Variants in CA5A observed in about 807,000 individuals in gnomAD.
CA5A encodes carbonic anhydrase 5A, also known as carbonic anhydrase 5A, mitochondrial.
Under a neutral mutation model 37.1 loss-of-function variants are expected in CA5A, and 28 were observed. The ratio of observed to expected loss-of-function variants is 0.75; its 90% CI spans 0.56 to 1.03. CA5A has a LOEUF of 1.03. CA5A is among the 50% of genes least tolerant of loss of function. The pLI is 0.00. For missense variants in CA5A, 444 were observed against 399.9 expected (o/e 1.11, Z -0.94); for synonymous variants, 171 against 158.4 (o/e 1.08, Z -0.60).
At chr16:87,890,510 C>T (rs575585957) in intron 6 of CA5A, among the ~76,000 whole-genome samples, 3 of 152,242 alleles carry the variant, frequency 2.0e-5, no homozygotes, top group Non-Finnish European at 2.9e-5. Flanking sequence ...CGGGCGGGGG[C>T]GGGGCATAGG....
intron 5 of CA5A, among the ~76,000 whole-genome samples, chr16:87,899,438 G>C (rs1440210755): frequency 2.7e-5 from 4 of 150,200 alleles, no homozygotes; most frequent in Non-Finnish European, 5.9e-5. Context: ...GAGTAGCTGG[G>C]ATTACAGGCA....
chr16:87,898,766 G>C (rs954253104), intron 5 of CA5A, among the ~76,000 whole-genome samples: 1 of 133,854 alleles, frequency 7.5e-6, no homozygotes, highest in Non-Finnish European at 1.5e-5. Flanking sequence ...ACGGATTCTC[G>C]AGCTGTCACC....
chr16:87,893,669 G>A (rs957577937), intron 5 of CA5A: 6 of 576,154 alleles, frequency 1.0e-5, no homozygotes, highest in African/African-American at 9.5e-5. Flanking sequence ...CCGAGGCTCG[G>A]GCTGGGTCAG....
At chr16:87,914,764 C>A (rs1450332252) in intron 2 of CA5A, among the ~76,000 whole-genome samples, 2 of 152,140 alleles carry the variant, frequency 1.3e-5, no homozygotes, top group African/African-American at 4.8e-5. Context: ...CCTCAGCTGG[C>A]GGCTGGGCTT....
intron 2 of CA5A, among the ~76,000 whole-genome samples, chr16:87,920,911 A>C (rs1347078046): frequency 6.6e-6 from 1 of 152,130 alleles, no homozygotes; most frequent in East Asian, 1.9e-4. Flanking sequence ...TTCCTGCCTC[A>C]GCCTTCCAAG....
intron 2 of CA5A, chr16:87,923,968 A>C: frequency 6.1e-6 from 6 of 985,022 alleles, no homozygotes; most frequent in Non-Finnish European, 7.2e-6. Context: ...TTTTTAAATA[A>C]TATAACCACA....
At chr16:87,924,913 C>A (rs1033767233) in intron 2 of CA5A, among the ~76,000 whole-genome samples, 1 of 152,202 alleles carries the variant, frequency 6.6e-6, no homozygotes, top group East Asian at 1.9e-4. Flanking sequence ...CGATTCTCTC[C>A]CTGCAGCCTT....
intron 1 of CA5A, among the ~76,000 whole-genome samples, chr16:87,927,964 C>T (rs1015346841): frequency 2.6e-5 from 4 of 152,006 alleles, no homozygotes; most frequent in Non-Finnish European, 5.9e-5. Context: ...GTGCAATAAC[C>T]TCATGCTAAG....
chr16:87,892,740 C>A (rs1164654254), intron 5 of CA5A, among the ~76,000 whole-genome samples: 1 of 138,104 alleles, frequency 7.2e-6, no homozygotes, highest in African/African-American at 2.7e-5. Flanking sequence ...ATGGTGTGAT[C>A]TTGGCTCACC....
intron 2 of CA5A, chr16:87,924,233 A>T (rs2056270409): frequency 2.0e-6 from 2 of 985,226 alleles, no homozygotes; most frequent in Admixed American, 6.1e-5. Context: ...TGCTGCTGGC[A>T]CTCAGCAAGC....
chr16:87,930,466 G>A (rs974401905), intron 1 of CA5A, among the ~76,000 whole-genome samples: 2 of 152,042 alleles, frequency 1.3e-5, no homozygotes, highest in South Asian at 2.1e-4. Context: ...TCCCCCCTCC[G>A]GACCCTTCCC....
At chr16:87,889,124 G>T (rs1215896344) in intron 6 of CA5A, among the ~76,000 whole-genome samples, 1 of 151,920 alleles carries the variant, frequency 6.6e-6, no homozygotes, top group East Asian at 1.9e-4. Flanking sequence ...TCTCCATGTT[G>T]GTCAGGCTGC....
chr16:87,927,840 G>A (rs1361379158), intron 1 of CA5A, among the ~76,000 whole-genome samples: 2 of 143,496 alleles, frequency 1.4e-5, no homozygotes, highest in African/African-American at 2.6e-5. Flanking sequence ...CAGCCTGGGG[G>A]ACAGAGACTC....
In CA5A at chr16:87,913,579, C is replaced by T. The variant is rs150012635; in HGVS notation, c.341-8675G>A. 4.1e-4 allele frequency among the ~76,000 whole-genome samples: 63 copies of T among 152,282 alleles called. 3 individuals carry two copies. The East Asian group carries it at 9.2e-3, about 22-fold the overall frequency. ...TGGAAAAGCCTCAGCATTCCTCTTC[C>T]GTGGGCCTCCACCGTAGCTCCTTTG... On this transcript the variant is annotated intron_variant, in intron 2 of 6. Coordinates refer to ENST00000649794, the MANE Select transcript of CA5A (RefSeq NM_001739.2).
intron 5 of CA5A, among the ~76,000 whole-genome samples, chr16:87,899,295 CTTTTTT>C (rs774174056): frequency 1.5e-4 from 13 of 85,842 alleles, no homozygotes; most frequent in African/African-American, 5.6e-4. Flanking sequence ...CTCCTAAGGT[CTTTTTT>C]TTTTTTTTTT....
At chr16:87,935,448 C>T (rs185244901) in intron 1 of CA5A, among the ~76,000 whole-genome samples, 4 of 152,318 alleles carry the variant, frequency 2.6e-5, no homozygotes, top group Admixed American at 1.3e-4. Context: ...GCCCATTCCG[C>T]CGGGTCTGGA....
intron 2 of CA5A, among the ~76,000 whole-genome samples, chr16:87,919,045 C>T (rs909802632): frequency 2.6e-5 from 4 of 152,198 alleles, no homozygotes; most frequent in African/African-American, 7.2e-5. Context: ...TTCCATGGCC[C>T]GGGAGACACA....
Position 87,911,463 on chromosome 16 carries a change from G to C in CA5A, c.341-6559C>G, listed in dbSNP as rs900264307. Among the ~76,000 whole-genome samples the C allele has an allele frequency of 3.3e-5, 5 of 152,124 alleles. No homozygotes were observed. The highest frequency in any genetic ancestry group is 3.3e-4 in the Admixed American group (5 of 15,264). ...AGATGAGCAGGCTTTTGGCAGGCAC[G>C]GGTTGTTTGAAGGCTTAAAATTAGT... On this transcript the variant is annotated intron_variant, in intron 2 of 6. Coordinates refer to ENST00000649794, the MANE Select transcript of CA5A (RefSeq NM_001739.2). The surrounding 1 kb of genome is among the most constrained non-coding windows in gnomAD (Gnocchi z 4.6).
intron 2 of CA5A, among the ~76,000 whole-genome samples, chr16:87,914,319 C>T (rs1407342691): frequency 3.3e-5 from 5 of 152,192 alleles, no homozygotes. Flanking sequence ...TCTCCTGCAT[C>T]CACAGTGATT....
Sources: allele counts gnomAD v4.1 joint callset (sites outside exome capture counted in the v4.1 genomes callset), GRCh38; gene constraint gnomAD v4.1.1; non-coding constraint Gnocchi (gnomAD v3.1); transcripts MANE v1.5; gene names NCBI Gene and HGNC (gene_info 2026-07-23, HGNC 2026-07-21).